Variants in ZC3H12B observed in about 807,000 individuals in gnomAD.
ZC3H12B encodes the protein probable ribonuclease ZC3H12B.
ZC3H12B carries 7 observed loss-of-function variants against 43.9 expected under a neutral mutation model. The ratio of observed to expected loss-of-function variants is 0.16; its 90% CI spans 0.09 to 0.30. The LOEUF (loss-of-function observed/expected upper bound fraction) is 0.30. Ranked by LOEUF, ZC3H12B falls within the 10% of genes least tolerant of loss-of-function variation. The pLI is 1.00. For synonymous variants in ZC3H12B, 222 were observed against 241.7 expected (o/e 0.92, Z 0.76); for missense variants, 475 against 670.2 (o/e 0.71, Z 3.22).
chrX:65,059,171 G>T, the ZC3H12B span, among the ~76,000 whole-genome samples: 1 of 108,414 alleles, frequency 9.2e-6, no homozygotes, highest in Non-Finnish European at 1.9e-5. Flanking sequence ...CGTCGCTCAC[G>T]CTGGGAGCTG....
At chrX:65,362,499 C>A (rs919275550), upstream of ZC3H12B, among the ~76,000 whole-genome samples, 2 of 110,913 alleles carry the variant, frequency 1.8e-5, no homozygotes, top group African/African-American at 3.3e-5. Flanking sequence ...GCTTCCCTGA[C>A]TATTCCTAGG....
chrX:65,497,147 A>G lies in ZC3H12B; in HGVS notation c.624A>G (p.Glu208=), dbSNP rs2068299795. The change falls in exon 2 of 5, where the codon GAA becomes GAG. Residue 208 remains glutamate, a synonymous_variant. Coordinates refer to ENST00000338957, the Ensembl canonical transcript of ZC3H12B. ...TCTTCCTAAGCCATGGGAATAAAGA[A>G]GAATTCTCCTGCAGAGGAATACAAC... 6 of 1,206,073 alleles carry G rather than the reference A, an allele frequency of 5.0e-6. No individual in the cohort carries two copies. The East Asian group carries it at 1.5e-4, about 30-fold the overall frequency.
upstream of ZC3H12B, among the ~76,000 whole-genome samples, chrX:65,366,461 C>T (rs2066176781): frequency 1.8e-5 from 2 of 112,425 alleles, no homozygotes; most frequent in South Asian, 7.4e-4. Context: ...GTTTACCTCC[C>T]TCTCTCTTTC....
At chrX:65,119,815 A>T in the ZC3H12B span, among the ~76,000 whole-genome samples, 1 of 111,884 alleles carries the variant, frequency 8.9e-6, no homozygotes, top group Non-Finnish European at 1.9e-5. Context: ...TCCTGAATTA[A>T]TTTTTGTATA....
the ZC3H12B span, among the ~76,000 whole-genome samples, chrX:65,188,465 G>A: frequency 6.1e-5 from 6 of 98,306 alleles, no homozygotes; most frequent in Non-Finnish European, 1.2e-4. Flanking sequence ...CCTCCATATT[G>A]TTGCTGGTAT....
At chrX:65,100,566 CAAAAAAAAAAAA>C in the ZC3H12B span, among the ~76,000 whole-genome samples, 6 of 4,531 alleles carry the variant, frequency 1.3e-3, no homozygotes, top group South Asian at 0.048. Context: ...AAAGATAAAG[CAAAAAAAAAAAA>C]AAAAAAAAAA....
intron 3 of ZC3H12B, among the ~76,000 whole-genome samples, chrX:65,446,053 A>G (rs1003180538): frequency 1.8e-5 from 2 of 111,182 alleles, no homozygotes; most frequent in African/African-American, 6.6e-5. Flanking sequence ...AAGGCTCTTT[A>G]GTCTGCAGGT....
the ZC3H12B span, among the ~76,000 whole-genome samples, chrX:65,246,813 A>G: frequency 2.7e-5 from 3 of 112,291 alleles, no homozygotes; most frequent in African/African-American, 6.5e-5. Context: ...CTGAAAGACA[A>G]TCTAGGCAAT....
At chrX:65,160,522 C>T in the ZC3H12B span, among the ~76,000 whole-genome samples, 2 of 111,726 alleles carry the variant, frequency 1.8e-5, no homozygotes, top group African/African-American at 6.5e-5. Context: ...TTATCCATTT[C>T]TTCTAGATTT....
At chrX:65,390,338 G>T (rs2066595578) in intron 2 of ZC3H12B, among the ~76,000 whole-genome samples, 1 of 110,416 alleles carries the variant, frequency 9.1e-6, no homozygotes. Context: ...CCACCAACAT[G>T]GCACAAGTAT....
At chrX:65,225,450 C>A in the ZC3H12B span, among the ~76,000 whole-genome samples, 1 of 112,169 alleles carries the variant, frequency 8.9e-6, no homozygotes, top group Non-Finnish European at 1.9e-5. Flanking sequence ...AAACTGGAAA[C>A]TCTAAAAAGC....
chrX:65,501,128 G>A (rs778920620), intron 4 of ZC3H12B, among the ~76,000 whole-genome samples: 87 of 110,975 alleles, frequency 7.8e-4, no homozygotes, highest in Non-Finnish European at 1.5e-3. Flanking sequence ...CCAAACCTGT[G>A]CTCTTTGCAT....
the ZC3H12B span, among the ~76,000 whole-genome samples, chrX:65,226,644 G>A: frequency 2.7e-5 from 3 of 110,929 alleles, no homozygotes; most frequent in Non-Finnish European, 5.7e-5. Flanking sequence ...CCCATCTCAC[G>A]TGCAGAGACA....
chrX:65,368,468 A>T (rs1292716984), intron 1 of ZC3H12B, among the ~76,000 whole-genome samples: 2 of 111,993 alleles, frequency 1.8e-5, no homozygotes, highest in Non-Finnish European at 3.8e-5. Context: ...TTCACTGTTC[A>T]TCCGTGGTTC....
At chrX:65,481,741 C>T (rs1237181316) in intron 3 of ZC3H12B, among the ~76,000 whole-genome samples, 4 of 112,174 alleles carry the variant, frequency 3.6e-5, no homozygotes, top group Non-Finnish European at 5.6e-5. Context: ...ACTCCTGCAG[C>T]TGAGATAAAA....
At chrX:65,193,660 TCTA>T in the ZC3H12B span, among the ~76,000 whole-genome samples, 1 of 111,989 alleles carries the variant, frequency 8.9e-6, no homozygotes, top group East Asian at 2.8e-4. Flanking sequence ...TATTATTTCT[TCTA>T]CTAATTTGTG....
the ZC3H12B span, among the ~76,000 whole-genome samples, chrX:65,262,774 T>C: frequency 9.0e-6 from 1 of 110,886 alleles, no homozygotes; most frequent in Non-Finnish European, 1.9e-5. Flanking sequence ...AAACAGTCTA[T>C]TGTATTCATT....
the ZC3H12B span, among the ~76,000 whole-genome samples, chrX:65,346,104 G>A: frequency 8.1e-5 from 9 of 110,825 alleles, no homozygotes; most frequent in East Asian, 2.5e-3. Flanking sequence ...ATTTTTCACA[G>A]AATAGAAAAA....
the ZC3H12B span, among the ~76,000 whole-genome samples, chrX:65,045,626 A>G: frequency 8.9e-6 from 1 of 111,760 alleles, no homozygotes; most frequent in Non-Finnish European, 1.9e-5. Flanking sequence ...GGACCTGTCA[A>G]AATAATCCAT....
Sources: allele counts gnomAD v4.1 joint callset (sites outside exome capture counted in the v4.1 genomes callset), GRCh38; gene constraint gnomAD v4.1.1; transcripts MANE v1.5; gene names NCBI Gene and HGNC (gene_info 2026-07-23, HGNC 2026-07-21).